FLT1: variants seen among roughly 807,000 people sequenced by gnomAD.
FLT1 encodes vascular endothelial growth factor receptor 1.
In FLT1, 49 loss-of-function variants were observed where a neutral mutation model predicts 156.3. That is an observed-to-expected ratio of 0.31 (90% CI 0.25 to 0.40). The LOEUF (loss-of-function observed/expected upper bound fraction) is 0.40, where lower values mean the gene tolerates loss of function less well. Ranked by LOEUF, FLT1 falls within the 10% of genes least tolerant of loss-of-function variation. The pLI, the probability that FLT1 is intolerant of heterozygous loss-of-function variation, is 1.00. For missense variants in FLT1, 1,322 were observed against 1,637.2 expected, an observed-to-expected ratio of 0.81 and a Z score of 3.32; for synonymous variants, 594 against 583.8, an observed-to-expected ratio of 1.02 and a Z score of -0.25.
At chr13:28,494,321 G>GC (rs1470054000) in intron 1 of FLT1, among the ~76,000 whole-genome samples, 1 of 152,190 alleles carries the variant, frequency 6.6e-6, no homozygotes, top group Non-Finnish European at 1.5e-5. Context: ...CCTCAGCCCA[G>GC]CCCCGGGCAG....
chr13:28,367,150 T>G (rs980264532), intron 14 of FLT1, among the ~76,000 whole-genome samples: 6 of 152,214 alleles, frequency 3.9e-5, no homozygotes, highest in Admixed American at 3.3e-4. Flanking sequence ...CATGCCAAGC[T>G]CACCTCAGAA....
chr13:28,362,333 T>C (rs565546681), intron 14 of FLT1, among the ~76,000 whole-genome samples: 3 of 152,324 alleles, frequency 2.0e-5, no homozygotes, highest in African/African-American at 7.2e-5. Flanking sequence ...AATGGAAGCA[T>C]TGAAGCTTTG....
chr13:28,405,936 G>A (rs1321190535), intron 10 of FLT1, 42 bp from the exon 11 acceptor site: 6 of 1,025,588 alleles, frequency 5.9e-6, no homozygotes, highest in Non-Finnish European at 3.1e-6. Context: ...TTTACAGCAT[G>A]GTTCAGTCAA....
Position 28,494,904 on chromosome 13 carries a change from C to G in FLT1, c.-61G>C. 1 of 1,365,406 alleles carries G rather than the reference C, an allele frequency of 7.3e-7. No individual in the cohort carries two copies. The highest frequency in any genetic ancestry group is 9.9e-7 in the Non-Finnish European group (1 of 1,011,442). The allele number at this position is 1,365,406 out of a possible 1,614,324, so 84.6% of individuals were successfully genotyped here. A position where few individuals can be genotyped will look rare whatever the true frequency, so the allele number is the denominator to read the frequency against. On this transcript the variant is annotated 5_prime_UTR_variant, in exon 1 of 30. Transcript: ENST00000282397. ...CGCTCCCCGCGGCCAACGACCCGGCCGCCAGAGTCCGTCCTCTCGTTCGCC... is the reference window on the plus strand; with the variant it reads ...CGCTCCCCGCGGCCAACGACCCGGCGGCCAGAGTCCGTCCTCTCGTTCGCC...
At chr13:28,462,274 A>C (rs1879622860) in intron 3 of FLT1, among the ~76,000 whole-genome samples, 1 of 152,194 alleles carries the variant, frequency 6.6e-6, no homozygotes, top group South Asian at 2.1e-4. Flanking sequence ...CATATATTAC[A>C]ATAATATTTT....
intron 10 of FLT1, among the ~76,000 whole-genome samples, chr13:28,410,369 C>G (rs79893548): frequency 1.1e-3 from 163 of 152,282 alleles, no homozygotes; most frequent in African/African-American, 3.7e-3. Flanking sequence ...ATGATCGATT[C>G]TCTTGGAGAA....
At chr13:28,492,393 T>C (rs1280443704) in intron 1 of FLT1, among the ~76,000 whole-genome samples, 1 of 152,252 alleles carries the variant, frequency 6.6e-6, no homozygotes, top group African/African-American at 2.4e-5. Context: ...GAAAGAGGAC[T>C]GGTATCCTTT....
At chr13:28,419,017 G>A (rs1359498524) in intron 10 of FLT1, among the ~76,000 whole-genome samples, 1 of 152,300 alleles carries the variant, frequency 6.6e-6, no homozygotes, top group Admixed American at 6.5e-5. Context: ...GGATGAACAT[G>A]GCTTTTGGCA....
chr13:28,403,490 G>C (rs539355785), intron 11 of FLT1, among the ~76,000 whole-genome samples: 3 of 152,262 alleles, frequency 2.0e-5, no homozygotes, highest in Admixed American at 6.5e-5. Flanking sequence ...ACTTCACCTA[G>C]CTTTCTCATT....
intron 15 of FLT1, among the ~76,000 whole-genome samples, chr13:28,353,978 AAATCTGTTAAACATAGCC>A (rs1872816186): frequency 6.6e-6 from 1 of 152,234 alleles, no homozygotes; most frequent in Admixed American, 6.5e-5. Flanking sequence ...CAACCTCTTT[AAATCTGTTAAACATAGCC>A]ACAGACACAA....
At chr13:28,438,469 C>G in intron 3 of FLT1, 124 bp from the exon 4 acceptor site, 1 of 734,410 alleles carries the variant, frequency 1.4e-6, no homozygotes, top group Non-Finnish European at 2.3e-6. Context: ...TAATGTAATC[C>G]ATACATTCAC....
Position 28,302,587 on chromosome 13 carries a change from A to G in FLT1, c.*580T>C, listed in dbSNP as rs967651243. The G allele has an allele frequency of 1.1e-4, 26 of 233,858 alleles. No homozygotes were observed. Among genetic ancestry groups the G allele is most frequent in the Non-Finnish European group, 1.9e-4 (22 of 118,482 alleles). The allele number at this position is 233,858 out of a possible 1,614,324, so 14.5% of individuals were successfully genotyped here. A position where few individuals can be genotyped will look rare whatever the true frequency, so the allele number is the denominator to read the frequency against. On this transcript the variant is annotated 3_prime_UTR_variant, in exon 30 of 30. Transcript: ENST00000282397. Reference sequence around the variant, plus strand: ...AGAGCTGGGAAGCCACTGAAATGGCATTGCTGAGCCCCGTCCCCCTCCGTG... The same window carrying G: ...AGAGCTGGGAAGCCACTGAAATGGCGTTGCTGAGCCCCGTCCCCCTCCGTG...
intron 13 of FLT1, chr13:28,386,457 C>A (rs1161992439): frequency 9.6e-7 from 1 of 1,044,288 alleles, no homozygotes; most frequent in African/African-American, 1.7e-5. Context: ...AAAATGAAAT[C>A]TGAAGGCAAA....
At chr13:28,309,102 C>T (rs1870878844) in intron 27 of FLT1, among the ~76,000 whole-genome samples, 175 bp from the exon 28 acceptor site, 1 of 152,164 alleles carries the variant, frequency 6.6e-6, no homozygotes, top group Non-Finnish European at 1.5e-5. Context: ...GACAGCATTG[C>T]CACTGCCTCC....
intron 14 of FLT1, among the ~76,000 whole-genome samples, chr13:28,379,306 C>T (rs988813994): frequency 6.6e-6 from 1 of 152,122 alleles, no homozygotes. Context: ...TGCACTCCAG[C>T]TTGAGCGACA....
At chr13:28,319,583 A>G (rs1219869257) in intron 23 of FLT1, 49 bp from the exon 24 acceptor site, 2 of 1,113,484 alleles carry the variant, frequency 1.8e-6, no homozygotes, top group African/African-American at 3.1e-5. Flanking sequence ...AAAACAAAGC[A>G]CATTCAACCC....
At chr13:28,339,566 T>C (rs1398922352) in intron 16 of FLT1, among the ~76,000 whole-genome samples, 1 of 152,236 alleles carries the variant, frequency 6.6e-6, no homozygotes, top group Non-Finnish European at 1.5e-5. Flanking sequence ...AATTCTCCAG[T>C]GACCTTATGT....
chr13:28,473,761 GGAAGGAAGGAAGGAAGGAAAGAAA>G (rs1768230889), intron 1 of FLT1, among the ~76,000 whole-genome samples: 6 of 87,390 alleles, frequency 6.9e-5, no homozygotes, highest in South Asian at 4.1e-4. Flanking sequence ...AAGGAAGGAA[GGAAGGAAGGAAGGAAGGAAAGAAA>G]GAAAGAAAGA....
chr13:28,483,901 T>C (rs985754817), intron 1 of FLT1, among the ~76,000 whole-genome samples: 1 of 152,210 alleles, frequency 6.6e-6, no homozygotes, highest in Admixed American at 6.5e-5. Context: ...TCAAGATACT[T>C]TGAGTAAATG....
Sources: gnomAD v4.1 joint callset for allele counts (sites outside exome capture counted in the v4.1 genomes callset) on GRCh38, gnomAD v4.1.1 for gene constraint, MANE v1.5 for transcripts, NCBI Gene and HGNC (gene_info 2026-07-23, HGNC 2026-07-21) for gene names.